Variants in PDE11A observed in about 807,000 individuals in gnomAD.
The protein encoded by PDE11A is phosphodiesterase 11A.
In PDE11A, 100 loss-of-function variants were observed where a neutral mutation model predicts 100.5. That is an observed-to-expected ratio of 1.00 (90% CI 0.85 to 1.18). The LOEUF is 1.18. Among genes scored for constraint, PDE11A ranks in the 50% most tolerant of loss-of-function variants. The pLI, the probability that PDE11A is intolerant of heterozygous loss-of-function variation, is 0.00. For synonymous variants in PDE11A, 381 were observed against 420.8 expected (o/e 0.91, Z 1.16); for missense variants, 1,141 against 1,152.6 (o/e 0.99, Z 0.15).
chr2:177,998,025 G>A lies in PDE11A; in HGVS notation c.1071+16277C>T, dbSNP rs191528430. On this transcript the variant is annotated intron_variant, in intron 2 of 19. Transcript: ENST00000286063. Reference sequence around the variant, plus strand: ...ACCTTGTGGAATGGACAGTTTTAGAGAAGAAGGGTACTGCCTGCTGAGTGC... The same window carrying A: ...ACCTTGTGGAATGGACAGTTTTAGAAAAGAAGGGTACTGCCTGCTGAGTGC... 1.4e-4 allele frequency: 178 copies of A among 1,254,820 alleles called. No homozygotes were observed. In the East Asian group the frequency reaches 3.8e-3, roughly 27 times the overall value. The allele number at this position is 1,254,820 out of a possible 1,614,324, so 77.7% of individuals were successfully genotyped here.
intron 19 of PDE11A, among the ~76,000 whole-genome samples, chr2:177,644,779 C>A (rs1559123795): frequency 6.6e-6 from 1 of 152,160 alleles, no homozygotes; most frequent in Non-Finnish European, 1.5e-5. Flanking sequence ...GTAGGAGGAA[C>A]CCAGTGGGAG....
intron 1 of PDE11A, among the ~76,000 whole-genome samples, chr2:178,054,259 A>G (rs540086672): frequency 4.6e-5 from 7 of 152,320 alleles, no homozygotes; most frequent in African/African-American, 1.7e-4. Flanking sequence ...AGGATTCCCT[A>G]TTTAGCAAAT....
intron 2 of PDE11A, among the ~76,000 whole-genome samples, chr2:177,923,386 A>C (rs569959035): frequency 1.1e-4 from 16 of 152,104 alleles, no homozygotes; most frequent in African/African-American, 3.9e-4. Flanking sequence ...AAAAAGGAGA[A>C]AGAAAAGAAA....
At chr2:177,708,338 T>G (rs1574066049) in intron 13 of PDE11A, among the ~76,000 whole-genome samples, 1 of 152,146 alleles carries the variant, frequency 6.6e-6, no homozygotes, top group African/African-American at 2.4e-5. Flanking sequence ...TGCAGGAACA[T>G]GGACAGAACT....
At chr2:177,986,786 G>A (rs1005687990) in intron 2 of PDE11A, among the ~76,000 whole-genome samples, 12 of 149,988 alleles carry the variant, frequency 8.0e-5, no homozygotes, top group African/African-American at 2.7e-4. Flanking sequence ...AGCTGAGATC[G>A]TGTCACTGCA....
intron 6 of PDE11A, among the ~76,000 whole-genome samples, chr2:177,831,482 G>C (rs2105605312): frequency 6.6e-6 from 1 of 152,312 alleles, no homozygotes; most frequent in East Asian, 1.9e-4. Context: ...AAGCTTGATA[G>C]AGTAAATTAT....
At chr2:177,713,980 C>CTT (rs2081394841) in intron 12 of PDE11A, among the ~76,000 whole-genome samples, 2 of 77,842 alleles carry the variant, frequency 2.6e-5, no homozygotes, top group Non-Finnish European at 2.8e-5. Flanking sequence ...TATTTCTTTT[C>CTT]TTTTTTCTTT....
chr2:178,072,851 G>GAGAGA (rs1336523273), upstream of PDE11A: 8 of 1,160,944 alleles, frequency 6.9e-6, no homozygotes, highest in African/African-American at 1.3e-4. Context: ...CTGGAGGGAG[G>GAGAGA]AGAGAAGAGG....
At chr2:177,769,034 G>C (rs570920015) in intron 10 of PDE11A, among the ~76,000 whole-genome samples, 3 of 152,100 alleles carry the variant, frequency 2.0e-5, no homozygotes, top group Non-Finnish European at 4.4e-5. Context: ...TGCCAAAACC[G>C]GGTGTCCTGA....
At chr2:178,018,584 T>G (rs972005727) in intron 1 of PDE11A, 1 of 325,656 alleles carries the variant, frequency 3.1e-6, no homozygotes, top group African/African-American at 2.2e-5. Context: ...ATAAGTTCAT[T>G]GTTGAGACAA....
chr2:177,922,921 T>C (rs2085073983), intron 2 of PDE11A: 1 of 623,178 alleles, frequency 1.6e-6, no homozygotes, highest in Non-Finnish European at 2.0e-6. Context: ...TCCCTCATTC[T>C]AGAACCTTCT....
At chr2:177,905,268 T>C (rs2105735765) in intron 2 of PDE11A, 81 bp from the exon 3 acceptor site, 2 of 737,076 alleles carry the variant, frequency 2.7e-6, no homozygotes, top group Non-Finnish European at 4.9e-6. Context: ...ACACTTCTTC[T>C]ATATGCCTGA....
chr2:177,887,953 C>A (rs2084468141), intron 4 of PDE11A, among the ~76,000 whole-genome samples: 1 of 151,942 alleles, frequency 6.6e-6, no homozygotes, highest in African/African-American at 2.4e-5. Context: ...GGTCCCTGAT[C>A]ACATCATCTG....
rs1448930886 is a variant in PDE11A, at chr2:177,906,175, ACACACG to A, written c.1072-994_1072-989del. Reference sequence around the variant, plus strand: ...CTCTCTGTCTCTCTCTCACACACACACACACGCACGCACGCACGCACGCACGCACAC... The same window carrying A: ...CTCTCTGTCTCTCTCTCACACACACACACGCACGCACGCACGCACGCACAC... On this transcript the variant is annotated intron_variant, in intron 2 of 19. Transcript: ENST00000286063. 4.5e-4 allele frequency among the ~76,000 whole-genome samples: 62 copies of A among 136,556 alleles called. 1 individual carries two copies. In the East Asian group the frequency reaches 6.9e-3, roughly 15 times the overall value. The allele number at this position is 136,556 out of a possible 152,430, so 89.6% of individuals were successfully genotyped here. A position where few individuals can be genotyped will look rare whatever the true frequency, so the allele number is the denominator to read the frequency against.
intron 5 of PDE11A, among the ~76,000 whole-genome samples, chr2:177,865,679 TGAAG>T (rs1398214897): frequency 1.3e-5 from 2 of 152,156 alleles, no homozygotes; most frequent in Non-Finnish European, 2.9e-5. Flanking sequence ...TAAAAAAGAA[TGAAG>T]GAATAAAGTG....
intron 4 of PDE11A, among the ~76,000 whole-genome samples, chr2:177,883,234 C>T (rs550628229): frequency 4.0e-4 from 60 of 150,316 alleles, no homozygotes; most frequent in Admixed American, 1.1e-3. Flanking sequence ...CACCACTGCA[C>T]TCCAGCCTAA....
chr2:177,663,820 T>G (rs771243010), intron 19 of PDE11A, 46 bp downstream of exon 19: 3 of 1,077,912 alleles, frequency 2.8e-6, no homozygotes, highest in South Asian at 1.2e-5. Flanking sequence ...ACACTTTTCC[T>G]TTTCTGATTC....
intron 9 of PDE11A, among the ~76,000 whole-genome samples, chr2:177,776,582 A>G (rs185805001): frequency 3.7e-4 from 57 of 152,328 alleles, no homozygotes; most frequent in African/African-American, 1.3e-3. Flanking sequence ...TTCCCAGGAC[A>G]TCAGAATATG....
At chr2:178,046,380 A>G (rs917992859) in intron 1 of PDE11A, among the ~76,000 whole-genome samples, 1 of 152,236 alleles carries the variant, frequency 6.6e-6, no homozygotes, top group Admixed American at 6.5e-5. Flanking sequence ...GGAAGATTTT[A>G]TAATAAATCT....
Sources: gnomAD v4.1 joint callset for allele counts (sites outside exome capture counted in the v4.1 genomes callset) on GRCh38, gnomAD v4.1.1 for gene constraint, MANE v1.5 for transcripts, NCBI Gene and HGNC (gene_info 2026-07-23, HGNC 2026-07-21) for gene names.